The following HSD17B2 variants were observed in gnomAD, a reference collection of about 807,000 sequenced individuals.
HSD17B2 encodes 17-beta-hydroxysteroid dehydrogenase type 2.
Under a neutral mutation model 26.9 loss-of-function variants are expected in HSD17B2, and 32 were observed. The observed-to-expected ratio is 1.19, with a 90% CI of 0.90 to 1.60. The LOEUF is 1.60. Ranked by LOEUF, HSD17B2 falls within the 40% of genes most tolerant of loss-of-function variation. The probability of loss-of-function intolerance (pLI) is 0.00; values close to 1 mark genes in which losing one functional copy is unlikely to be tolerated. For synonymous variants in HSD17B2, 246 were observed against 186.7 expected (o/e 1.32, Z -2.59); for missense variants, 613 against 468.6 (o/e 1.31, Z -2.85).
intron 1 of HSD17B2, 151 bp downstream of exon 1, chr16:82,035,840 C>T (rs777038990): frequency 1.1e-5 from 9 of 844,580 alleles, no homozygotes; most frequent in South Asian, 3.5e-5. Flanking sequence ...ACACTGTTTT[C>T]GTTCCGTTTT....
chr16:82,043,003 G>C lies in HSD17B2; in HGVS notation c.265+7314G>C, dbSNP rs568315954. 7.2e-5 allele frequency among the ~76,000 whole-genome samples: 11 copies of C among 152,342 alleles called. No individual in the cohort carries two copies. In the East Asian group the frequency reaches 1.5e-3, roughly 21 times the overall value. On this transcript the variant is annotated intron_variant, in intron 1 of 4. Coordinates refer to ENST00000199936, the MANE Select transcript of HSD17B2 (RefSeq NM_002153.3). ...ATGTTAGCTTCCAACTTCTGCTCTG[G>C]TTCCTGCAGAGAGGAGCAGGCAGAG...
At chr16:82,051,123 G>A (rs1376861131) in intron 1 of HSD17B2, among the ~76,000 whole-genome samples, 1 of 152,092 alleles carries the variant, frequency 6.6e-6, no homozygotes, top group East Asian at 1.9e-4. Context: ...TACTTTCATA[G>A]AACTTTTCTC....
chr16:82,054,529 G>C (rs566162188), intron 1 of HSD17B2, among the ~76,000 whole-genome samples: 12 of 152,254 alleles, frequency 7.9e-5, no homozygotes, highest in African/African-American at 2.2e-4. Flanking sequence ...ATTTTTAGTA[G>C]ACATGGGGTT....
intron 3 of HSD17B2, among the ~76,000 whole-genome samples, chr16:82,083,823 T>C (rs1567591215): frequency 1.3e-5 from 2 of 152,150 alleles, no homozygotes; most frequent in South Asian, 4.1e-4. Context: ...CCCATTGTAA[T>C]AACATGTTGA....
At chr16:82,097,411 C>T (rs1007441278) in intron 4 of HSD17B2, 7 of 150,532 alleles carry the variant, frequency 4.7e-5, no homozygotes, top group Admixed American at 4.0e-4. Flanking sequence ...GAGATGGGAT[C>T]TCGCTATGTT....
intron 3 of HSD17B2, chr16:82,090,216 T>C: frequency 1.0e-6 from 1 of 981,416 alleles, no homozygotes; most frequent in African/African-American, 1.8e-5. Context: ...AAGATATGTT[T>C]ACCAGGAACC....
Position 82,041,436 on chromosome 16 carries a change from C to T in HSD17B2, c.265+5747C>T, listed in dbSNP as rs547628871. On this transcript the variant is annotated intron_variant, in intron 1 of 4. Coordinates refer to ENST00000199936, the MANE Select transcript of HSD17B2 (RefSeq NM_002153.3). Reference sequence around the variant, plus strand: ...TGACATGGCTGAGCTGTTGGAAGCTCCATTGTTCTGTAGTGACTTAATTGT... The same window carrying T: ...TGACATGGCTGAGCTGTTGGAAGCTTCATTGTTCTGTAGTGACTTAATTGT... Among the ~76,000 whole-genome samples, 13 of 152,274 alleles carry T rather than the reference C, an allele frequency of 8.5e-5. No homozygotes were observed. The South Asian group carries it at 2.5e-3, about 29-fold the overall frequency.
At position 82,074,508 on chromosome 16, in the gene HSD17B2, A is replaced by G. The variant is rs8191196; in HGVS notation, c.664+3381A>G. Among the ~76,000 whole-genome samples, 33 of 152,368 alleles carry G rather than the reference A, an allele frequency of 2.2e-4. No individual in the cohort carries two copies. The South Asian group carries it at 6.6e-3, about 31-fold the overall frequency. ...AAAGCGCTGTCAAGATAGGAAAAAG[A>G]TATTTCATGCAAATGGGAACCAAAA... is the stretch of plus-strand genomic sequence containing the variant. On this transcript the variant is annotated intron_variant, in intron 3 of 4. Coordinates refer to ENST00000199936, the MANE Select transcript of HSD17B2 (RefSeq NM_002153.3).
chr16:82,093,704 A>G (rs569373575), intron 4 of HSD17B2: 2 of 152,258 alleles, frequency 1.3e-5, no homozygotes, highest in East Asian at 1.9e-4. Flanking sequence ...GTGAATCTGT[A>G]GAGTAAAGTG....
chr16:82,067,330 T>C (rs1322926880), intron 1 of HSD17B2, among the ~76,000 whole-genome samples: 1 of 152,218 alleles, frequency 6.6e-6, no homozygotes, highest in Non-Finnish European at 1.5e-5. Flanking sequence ...TTTATTATGG[T>C]GTATGTAGCT....
intron 1 of HSD17B2, among the ~76,000 whole-genome samples, chr16:82,048,303 A>G (rs1913999366): frequency 6.6e-6 from 1 of 152,160 alleles, no homozygotes; most frequent in Admixed American, 6.6e-5. Context: ...AAATAGTTAC[A>G]AACAACATCC....
chr16:82,072,024 G>C (rs1021932184), intron 3 of HSD17B2: 1 of 152,076 alleles, frequency 6.6e-6, no homozygotes, highest in African/African-American at 2.4e-5. Context: ...TGCTTTTTTT[G>C]GTAATGTGAA....
rs1904677912 is a variant in HSD17B2, at chr16:82,091,009, G to C, written c.772G>C (p.Ala258Pro). The change falls in exon 4 of 5, where the codon GCT (alanine) becomes CCT (proline). Residue 258 changes from alanine to proline, a missense_variant. By Grantham distance (27) the Ala-to-Pro change is conservative. Transcript: ENST00000199936. The stretch of plus-strand genomic sequence containing the variant: ...GCTTTCCAAGTGGGGAATTAAAGTT[G>C]CTTCCATCCAACCTGGAGGCTTCCT... ...LELSKWGIKV[A>P]SIQPGGFLTN... The C allele has an allele frequency of 4.3e-6, 7 of 1,613,988 alleles. No homozygotes were observed. In the East Asian group the frequency reaches 1.1e-4, roughly 26 times the overall value.
chr16:82,090,925 G>A lies in HSD17B2; in HGVS notation c.688G>A (p.Ala230Thr), dbSNP rs373093084. 93 of 1,613,104 alleles carry A rather than the reference G, an allele frequency of 5.8e-5. No individual in the cohort carries two copies. Among genetic ancestry groups the A allele is most frequent in the East Asian group, 4.7e-4 (21 of 44,870 alleles). Residue 230 changes from alanine (A) to threonine (T), a missense_variant, in exon 4 of 5, where the codon GCA becomes ACA. By Grantham distance (58) the Ala-to-Thr change is moderately conservative. Coordinates refer to ENST00000199936, the MANE Select transcript of HSD17B2 (RefSeq NM_002153.3). ...MGGGAPMERL[A>T]SYGSSKAAVT... ...AGGAGGGGCCCCAATGGAAAGGCTGGCATCTTATGGCTCATCAAAGGCGGC... is the reference window on the plus strand; with the variant it reads ...AGGAGGGGCCCCAATGGAAAGGCTGACATCTTATGGCTCATCAAAGGCGGC...
chr16:82,059,970 G>A (rs776753408), intron 1 of HSD17B2, among the ~76,000 whole-genome samples: 4 of 152,062 alleles, frequency 2.6e-5, no homozygotes, highest in Admixed American at 6.5e-5. Context: ...CTCCTCACCC[G>A]ACAACTGTTA....
At chr16:82,066,560 TG>T (rs1255462945) in intron 1 of HSD17B2, among the ~76,000 whole-genome samples, 1 of 152,190 alleles carries the variant, frequency 6.6e-6, no homozygotes, top group African/African-American at 2.4e-5. Context: ...GTAGCAAAAA[TG>T]GTAAACATTA....
chr16:82,067,304 C>T (rs1204170867), intron 1 of HSD17B2, among the ~76,000 whole-genome samples: 1 of 152,150 alleles, frequency 6.6e-6, no homozygotes, highest in South Asian at 2.1e-4. Context: ...ACAAGAGAGA[C>T]GTTAACTGTT....
At chr16:82,053,732 GCA>G (rs1383424132) in intron 1 of HSD17B2, among the ~76,000 whole-genome samples, 2 of 152,178 alleles carry the variant, frequency 1.3e-5, no homozygotes, top group African/African-American at 4.8e-5. Flanking sequence ...CTGAGACTGT[GCA>G]CAGAGAAGAC....
At chr16:82,055,540 G>A (rs192593738) in intron 1 of HSD17B2, among the ~76,000 whole-genome samples, 1 of 152,302 alleles carries the variant, frequency 6.6e-6, no homozygotes, top group East Asian at 1.9e-4. Context: ...ACAGGATGGA[G>A]TAAGTAGCAC....
Sources: gnomAD v4.1 joint callset for allele counts (sites outside exome capture counted in the v4.1 genomes callset) on GRCh38, gnomAD v4.1.1 for gene constraint, MANE v1.5 for transcripts, NCBI Gene and HGNC (gene_info 2026-07-23, HGNC 2026-07-21) for gene names.